AGAP1: variants seen among roughly 807,000 people sequenced by gnomAD.
AGAP1 encodes ArfGAP with GTPase domain, ankyrin repeat and PH domain 1.
A neutral mutation model predicts 105.3 loss-of-function variants in AGAP1; 29 were observed. The ratio of observed to expected loss-of-function variants is 0.28; its 90% CI spans 0.21 to 0.38. The LOEUF is 0.38. AGAP1 is among the 10% of genes least tolerant of loss of function. The pLI, the probability that AGAP1 is intolerant of heterozygous loss-of-function variation, is 1.00. For missense variants in AGAP1, 998 were observed against 1,165.1 expected (o/e 0.86, Z 2.09); for synonymous variants, 509 against 485.9 (o/e 1.05, Z -0.63).
At position 235,819,925 on chromosome 2, in the gene AGAP1, C is replaced by T. The variant is rs373990172; in HGVS notation, c.1050+12594C>T. 1.4e-4 allele frequency among the ~76,000 whole-genome samples: 15 copies of T among 110,382 alleles called. No homozygotes were observed. The South Asian group carries it at 2.1e-3, about 16-fold the overall frequency. 72.4% of individuals were successfully genotyped at this position (110,382 alleles called of 152,430 possible). A position where few individuals can be genotyped will look rare whatever the true frequency, so the allele number is the denominator to read the frequency against. ...CTTTCTTTTTTTTTTTTTTTTGAGA[C>T]GGAGTTTTGCTCTTGTTGCCCAGGC... On this transcript the variant is annotated intron_variant, in intron 9 of 17. Coordinates refer to ENST00000304032, the MANE Select transcript of AGAP1 (RefSeq NM_001037131.3).
intron 16 of AGAP1, among the ~76,000 whole-genome samples, chr2:236,108,730 A>AT (rs1198923718): frequency 6.6e-6 from 1 of 151,952 alleles, no homozygotes; most frequent in African/African-American, 2.4e-5. Context: ...CATTTGTGAG[A>AT]TTTGAAGGCT....
chr2:235,761,704 C>G (rs1465509596), intron 6 of AGAP1, among the ~76,000 whole-genome samples: 1 of 152,134 alleles, frequency 6.6e-6, no homozygotes, highest in African/African-American at 2.4e-5. Flanking sequence ...AATCGATGAT[C>G]AAAAGAATAA....
chr2:235,848,142 A>G (rs1575607086), intron 9 of AGAP1, among the ~76,000 whole-genome samples: 1 of 152,176 alleles, frequency 6.6e-6, no homozygotes, highest in Non-Finnish European at 1.5e-5. Context: ...TGCTGTTTCC[A>G]TAAGCCATGG....
chr2:236,103,860 C>T (rs1213388418), intron 16 of AGAP1, among the ~76,000 whole-genome samples: 2 of 151,960 alleles, frequency 1.3e-5, no homozygotes, highest in African/African-American at 4.8e-5. Flanking sequence ...AGCGACATGC[C>T]CAGCCTCTCC....
intron 11 of AGAP1, among the ~76,000 whole-genome samples, chr2:235,920,095 C>A (rs941275345): frequency 6.6e-6 from 1 of 152,120 alleles, no homozygotes; most frequent in African/African-American, 2.4e-5. Flanking sequence ...TTCTGCTTGG[C>A]CACGTTGATG....
In AGAP1 at chr2:235,551,129, G is replaced by A. The variant is rs771282604; in HGVS notation, c.163+56280G>A. On this transcript the variant is annotated intron_variant, in intron 1 of 17. Transcript: ENST00000304032. The surrounding 1 kb of genome is among the most constrained non-coding windows in gnomAD (Gnocchi z 4.8). ...TTCTGAGGAAGAGAAGTGGGGGGTC[G>A]GGGGCATCCCACCTCCCTGGCCACC... 2.0e-5 allele frequency among the ~76,000 whole-genome samples: 3 copies of A among 152,092 alleles called. No individual in the cohort carries two copies. Among genetic ancestry groups the A allele is most frequent in the Non-Finnish European group, 4.4e-5 (3 of 68,024 alleles).
rs1232090732 is a variant in AGAP1 at position 235,608,915 on chromosome 2, C to T, written c.164-100264C>T. The stretch of plus-strand genomic sequence containing the variant: ...AAACCTTTCAGCTTGTTCTTGACTT[C>T]CCCCCCATCCCTAATACCCCCAACT... On this transcript the variant is annotated intron_variant, in intron 1 of 17. Transcript: ENST00000304032. This position sits in a 1 kb window ranked among gnomAD's most constrained non-coding sequence, Gnocchi z 5.4. Among the ~76,000 whole-genome samples the T allele has an allele frequency of 6.6e-6, 1 of 151,580 alleles. No individual in the cohort carries two copies. Among genetic ancestry groups the T allele is most frequent in the Non-Finnish European group, 1.5e-5 (1 of 67,906 alleles).
At position 235,631,252 on chromosome 2, in the gene AGAP1, G is replaced by T. The variant is rs1946821006; in HGVS notation, c.164-77927G>T. Among the ~76,000 whole-genome samples the T allele has an allele frequency of 6.6e-6, 1 of 152,196 alleles. No individual in the cohort carries two copies. The highest frequency in any genetic ancestry group is 2.4e-5 in the African/African-American group (1 of 41,450). On this transcript the variant is annotated intron_variant, in intron 1 of 17. Transcript: ENST00000304032. This position sits in a 1 kb window ranked among gnomAD's most constrained non-coding sequence, Gnocchi z 5.4. ...ATAACTGGAATGCTGTCAGATCCCA[G>T]GGTAACAAAAGGGTGGTGTCCCCTA...
At chr2:235,952,105 A>G (rs191195150) in intron 12 of AGAP1, among the ~76,000 whole-genome samples, 83 of 152,276 alleles carry the variant, frequency 5.5e-4, no homozygotes, top group Non-Finnish European at 1.0e-3. Flanking sequence ...AGATAACCTC[A>G]TGTTTCAGCT....
intron 9 of AGAP1, among the ~76,000 whole-genome samples, chr2:235,868,911 G>T (rs901093748): frequency 9.8e-5 from 15 of 152,294 alleles, no homozygotes; most frequent in African/African-American, 3.6e-4. Context: ...TCTACTCTTT[G>T]CTCCACTGTA....
chr2:235,726,836 T>C (rs1360795690), intron 3 of AGAP1, among the ~76,000 whole-genome samples: 2 of 151,950 alleles, frequency 1.3e-5, no homozygotes, highest in African/African-American at 4.8e-5. Flanking sequence ...TATTAACTTC[T>C]TAACTTGCAT....
Position 235,962,072 on chromosome 2 carries a change from G to A in AGAP1, c.1484-6390G>A, listed in dbSNP as rs975162099. ...GTTTTGTTTTGTTTTGTTTTGTTTTGTTTTGTTTTGTTTCAGTGAAGTGAA... is the reference window on the plus strand; with the variant it reads ...GTTTTGTTTTGTTTTGTTTTGTTTTATTTTGTTTTGTTTCAGTGAAGTGAA... On this transcript the variant is annotated intron_variant, in intron 12 of 17. Coordinates refer to ENST00000304032, the MANE Select transcript of AGAP1 (RefSeq NM_001037131.3). This position sits in a 1 kb window ranked among gnomAD's most constrained non-coding sequence, Gnocchi z 5.3. Among the ~76,000 whole-genome samples, 1 of 121,620 alleles carries A rather than the reference G, an allele frequency of 8.2e-6. No homozygotes were observed. The highest frequency in any genetic ancestry group is 1.5e-5 in the Non-Finnish European group (1 of 64,634). The allele number at this position is 121,620 out of a possible 152,430, so 79.8% of individuals were successfully genotyped here. A position where few individuals can be genotyped will look rare whatever the true frequency, so the allele number is the denominator to read the frequency against.
rs1339747083 is a variant in AGAP1, at chr2:235,967,797, G to A, written c.1484-665G>A. Among the ~76,000 whole-genome samples the A allele has an allele frequency of 1.3e-5, 2 of 152,158 alleles. No individual in the cohort carries two copies. The highest frequency in any genetic ancestry group is 4.8e-5 in the African/African-American group (2 of 41,424). On this transcript the variant is annotated intron_variant, in intron 12 of 17. Coordinates refer to ENST00000304032, the MANE Select transcript of AGAP1 (RefSeq NM_001037131.3). The surrounding 1 kb of genome is among the most constrained non-coding windows in gnomAD (Gnocchi z 4.7). ...TACAAATGGACATAATACATTGAGA[G>A]TTTCACTTATAGTGAATAATCACGT...
At chr2:235,643,457 A>AAAAAAAAAAAG (rs1553595203) in intron 1 of AGAP1, among the ~76,000 whole-genome samples, 6 of 140,392 alleles carry the variant, frequency 4.3e-5, no homozygotes, top group African/African-American at 1.6e-4. Flanking sequence ...AAAAAAAAAA[A>AAAAAAAAAAAG]AAAGAAAGAA....
At chr2:235,494,944 C>A in intron 1 of AGAP1, 95 bp downstream of exon 1, 1 of 1,255,570 alleles carries the variant, frequency 8.0e-7, no homozygotes, top group Non-Finnish European at 1.0e-6. Context: ...CCACACACGC[C>A]GGCCGGGGCA....
intron 1 of AGAP1, among the ~76,000 whole-genome samples, chr2:235,629,270 G>T (rs1347971931): frequency 3.0e-4 from 1 of 3,386 alleles, no homozygotes; most frequent in Non-Finnish European, 5.0e-4. Flanking sequence ...AGTAGTCATT[G>T]TGTGTGTGTG....
chr2:235,538,523 TGTTCTCTGCACA>T (rs747321379), intron 1 of AGAP1, among the ~76,000 whole-genome samples: 75 of 151,234 alleles, frequency 5.0e-4, no homozygotes, highest in South Asian at 8.4e-4. Context: ...CCTAGGGTCC[TGTTCTCTGCACA>T]GTTCTCTGCA....
chr2:235,924,460 GC>G (rs2052346342), intron 11 of AGAP1, among the ~76,000 whole-genome samples: 1 of 152,160 alleles, frequency 6.6e-6, no homozygotes, highest in East Asian at 1.9e-4. Context: ...TGCAGTAGGG[GC>G]TCAGTTCCAT....
At chr2:235,682,392 G>C (rs1002310709) in intron 1 of AGAP1, among the ~76,000 whole-genome samples, 1 of 151,154 alleles carries the variant, frequency 6.6e-6, no homozygotes, top group Non-Finnish European at 1.5e-5. Context: ...GCCCAGGCTG[G>C]AGTGCAGTGG....
Sources: allele counts gnomAD v4.1 joint callset (sites outside exome capture counted in the v4.1 genomes callset), GRCh38; gene constraint gnomAD v4.1.1; non-coding constraint Gnocchi (gnomAD v3.1); transcripts MANE v1.5; gene names NCBI Gene and HGNC (gene_info 2026-07-23, HGNC 2026-07-21).